Variants in JADE3 observed in about 807,000 individuals in gnomAD.
The protein encoded by JADE3 is protein Jade-3.
A neutral mutation model predicts 50.1 loss-of-function variants in JADE3; 2 were observed. That is an observed-to-expected ratio of 0.04 (90% CI 0.02 to 0.13). The LOEUF is 0.13. JADE3 is among the 10% of genes least tolerant of loss of function. JADE3 has a pLI of 1.00. For missense variants in JADE3, 475 were observed against 634.4 expected (o/e 0.75, Z 2.70); for synonymous variants, 218 against 232.9 (o/e 0.94, Z 0.58).
At position 46,985,854 on chromosome X, in the gene JADE3, C is replaced by T. The variant is rs782617544; in HGVS notation, c.126+62C>T. On this transcript the variant is annotated intron_variant, in intron 3 of 10. Transcript: ENST00000614628. ...AGTTTGGATGCTTGTCTTCCAAAAC[C>T]TCATGTTGAAATTATATCCCAATGT... 2.9e-4 allele frequency: 226 copies of T among 776,469 alleles called. No homozygotes were observed. The South Asian group carries it at 3.4e-3, about 12-fold the overall frequency. 64.0% of individuals were successfully genotyped at this position (776,469 alleles called of 1,213,427 possible). A position where few individuals can be genotyped will look rare whatever the true frequency, so the allele number is the denominator to read the frequency against.
chrX:46,948,911 C>A (rs1926940150), intron 1 of JADE3, among the ~76,000 whole-genome samples: 1 of 110,300 alleles, frequency 9.1e-6, no homozygotes, highest in African/African-American at 3.3e-5. Flanking sequence ...AATACACATA[C>A]ACAAACATAT....
Position 47,058,189 on chromosome X carries a change from T to G in JADE3, c.1584T>G (p.Leu528=). The G allele has an allele frequency of 8.3e-7, 1 of 1,208,642 alleles. No homozygotes were observed. Residue 528 remains leucine (L), a synonymous_variant, in exon 11 of 11, where the codon CTT becomes CTG. Coordinates refer to ENST00000614628, the MANE Select transcript of JADE3 (RefSeq NM_014735.5). The part of the protein sequence containing the change: ...IDAGLPLTNA[L]ENSLFYPPPR... The stretch of plus-strand genomic sequence containing the variant: ...CAGGGCTTCCTTTGACAAATGCACT[T>G]GAAAACTCACTGTTTTACCCACCAC...
At chrX:46,928,017 TG>T (rs1926409260) in intron 1 of JADE3, among the ~76,000 whole-genome samples, 1 of 112,299 alleles carries the variant, frequency 8.9e-6, no homozygotes, top group African/African-American at 3.2e-5. Context: ...TGTTTTCACA[TG>T]GTACAGTCCA....
chrX:46,979,006 GGACA>G (rs1927684281), intron 1 of JADE3, among the ~76,000 whole-genome samples: 9 of 112,135 alleles, frequency 8.0e-5, no homozygotes, highest in Middle Eastern at 4.6e-3. Context: ...TCACAGAAAT[GGACA>G]GACAAATCAC....
intron 4 of JADE3, among the ~76,000 whole-genome samples, chrX:47,003,823 TA>T (rs1928347830): frequency 2.0e-5 from 2 of 101,704 alleles, no homozygotes; most frequent in African/African-American, 7.0e-5. Flanking sequence ...ACCAAAATTA[TA>T]AATTTATATA....
chrX:47,043,854 A>C (rs1412023975), intron 8 of JADE3, among the ~76,000 whole-genome samples: 1 of 110,288 alleles, frequency 9.1e-6, no homozygotes, highest in Non-Finnish European at 1.9e-5. Context: ...AATGGAAAAG[A>C]ATCAAGCAGA....
At chrX:47,015,720 CT>C (rs1170777560) in intron 4 of JADE3, among the ~76,000 whole-genome samples, 4,558 of 83,944 alleles carry the variant, frequency 0.054, 217 homozygotes, top group African/African-American at 0.2. Context: ...GTCTCAGCAT[CT>C]TTTTTTTTTT....
intron 1 of JADE3, among the ~76,000 whole-genome samples, chrX:46,975,950 G>C (rs1338683892): frequency 1.8e-5 from 2 of 109,420 alleles, no homozygotes; most frequent in Non-Finnish European, 3.8e-5. Flanking sequence ...GAAGTTATCT[G>C]ATCCTGGCCT....
chrX:47,051,991 G>C (rs1929518159), intron 8 of JADE3, among the ~76,000 whole-genome samples: 1 of 110,025 alleles, frequency 9.1e-6, no homozygotes, highest in Non-Finnish European at 1.9e-5. Flanking sequence ...CTACTCACAA[G>C]GCTAAGGTGG....
At chrX:47,051,067 T>C (rs934792569) in intron 8 of JADE3, among the ~76,000 whole-genome samples, 1 of 110,274 alleles carries the variant, frequency 9.1e-6, no homozygotes, top group Non-Finnish European at 1.9e-5. Context: ...GAGCTTCTTA[T>C]CTGGAAGAAT....
intron 7 of JADE3, among the ~76,000 whole-genome samples, chrX:47,033,995 C>T (rs782526948): frequency 9.0e-6 from 1 of 110,995 alleles, no homozygotes; most frequent in Admixed American, 9.6e-5. Context: ...AGGTGGTATT[C>T]CCAGTGGTAT....
intron 1 of JADE3, among the ~76,000 whole-genome samples, chrX:46,977,321 T>C (rs782226579): frequency 8.9e-6 from 1 of 112,101 alleles, no homozygotes; most frequent in East Asian, 2.8e-4. Flanking sequence ...ATTGCACCAC[T>C]GCACTCTAGC....
At chrX:47,030,789 C>T (rs1379307581) in intron 6 of JADE3, among the ~76,000 whole-genome samples, 1 of 111,578 alleles carries the variant, frequency 9.0e-6, no homozygotes, top group Non-Finnish European at 1.9e-5. Context: ...TGGTGGCTCA[C>T]GCCTGTAATC....
At chrX:47,034,902 C>G (rs1216063166) in intron 7 of JADE3, among the ~76,000 whole-genome samples, 2 of 109,981 alleles carry the variant, frequency 1.8e-5, no homozygotes, top group Admixed American at 9.8e-5. Flanking sequence ...GCGTGAGCCA[C>G]TGCGCCCGGC....
intron 4 of JADE3, among the ~76,000 whole-genome samples, chrX:47,020,444 G>A (rs1026238577): frequency 7.0e-4 from 78 of 111,452 alleles, no homozygotes; most frequent in African/African-American, 2.5e-3. Context: ...ATATATACTC[G>A]AAGATATTGA....
intron 4 of JADE3, among the ~76,000 whole-genome samples, chrX:47,007,807 T>TTGTGTGTG (rs782728907): frequency 4.2e-5 from 3 of 70,808 alleles, no homozygotes; most frequent in South Asian, 7.7e-4. Flanking sequence ...TCCTTTTATT[T>TTGTGTGTG]TGTGTGTGTG....
intron 1 of JADE3, among the ~76,000 whole-genome samples, chrX:46,933,869 TA>T (rs782744010): frequency 2.2e-3 from 232 of 103,752 alleles, no homozygotes; most frequent in South Asian, 0.021. Flanking sequence ...TCCTTAAAAT[TA>T]AAAAAAAAAA....
At chrX:47,007,804 ATTTTGT>A (rs1233854013) in intron 4 of JADE3, among the ~76,000 whole-genome samples, 3 of 38,069 alleles carry the variant, frequency 7.9e-5, no homozygotes, top group Admixed American at 3.1e-4. Flanking sequence ...GTGTCCTTTT[ATTTTGT>A]GTGTGTGTGT....
chrX:46,972,891 G>T (rs1452119172), intron 1 of JADE3, among the ~76,000 whole-genome samples: 1 of 112,245 alleles, frequency 8.9e-6, no homozygotes, highest in Non-Finnish European at 1.9e-5. Flanking sequence ...GAGCCACCGC[G>T]CCCGGCTGGA....
Sources: gnomAD v4.1 joint callset for allele counts (sites outside exome capture counted in the v4.1 genomes callset) on GRCh38, gnomAD v4.1.1 for gene constraint, MANE v1.5 for transcripts, NCBI Gene and HGNC (gene_info 2026-07-23, HGNC 2026-07-21) for gene names.